ANKRD39: variants seen among roughly 807,000 people sequenced by gnomAD.
ANKRD39 encodes the protein ankyrin repeat domain 39.
In ANKRD39, 18 loss-of-function variants were observed where a neutral mutation model predicts 20.3. The observed-to-expected ratio is 0.89, with a 90% CI of 0.61 to 1.32. ANKRD39 has a LOEUF of 1.32. ANKRD39 is among the 40% of genes most tolerant of loss of function. ANKRD39 has a pLI of 0.00. For missense variants in ANKRD39, 243 were observed against 250.7 expected (o/e 0.97, Z 0.21); for synonymous variants, 106 against 111.9 (o/e 0.95, Z 0.33).
Position 96,848,324 on chromosome 2 carries a change from G to C in ANKRD39, c.529C>G (p.Leu177Val), listed in dbSNP as rs757057385. 6.2e-7 allele frequency: 1 copy of C among 1,614,124 alleles called. No individual in the cohort carries two copies. Among genetic ancestry groups the C allele is most frequent in the South Asian group, 1.1e-5 (1 of 91,078 alleles). Reference protein sequence around the residue: ...ACDLLPCNSDLRDLLSS With the variant: ...ACDLLPCNSDVRDLLSS Reference sequence around the variant, plus strand: ...GCTCAGCTGGATAGCAGGTCCCGCAGGTCACTGTTGCAAGGCAGCAGGTCA... The same window carrying C: ...GCTCAGCTGGATAGCAGGTCCCGCACGTCACTGTTGCAAGGCAGCAGGTCA... The change falls in exon 4 of 4, where the codon CTG (leucine) becomes GTG (valine). Residue 177 changes from leucine to valine, a missense_variant. Transcript: ENST00000393537.
chr2:96,851,846 A>G (rs568887117), intron 3 of ANKRD39, among the ~76,000 whole-genome samples: 17 of 152,256 alleles, frequency 1.1e-4, no homozygotes, highest in Admixed American at 6.5e-4. Flanking sequence ...GCACCCAGAC[A>G]GGGGCTAACT....
intron 1 of ANKRD39, among the ~76,000 whole-genome samples, chr2:96,856,899 A>C (rs931035880): frequency 3.9e-5 from 6 of 152,224 alleles, no homozygotes; most frequent in African/African-American, 1.4e-4. Context: ...TGAGACACCA[A>C]AACAAGACCA....
chr2:96,849,187 C>T (rs1441196398), intron 3 of ANKRD39, among the ~76,000 whole-genome samples: 1 of 152,146 alleles, frequency 6.6e-6, no homozygotes, highest in Non-Finnish European at 1.5e-5. Flanking sequence ...GGGTCTCACT[C>T]TGTTGCCCAG....
intron 3 of ANKRD39, among the ~76,000 whole-genome samples, chr2:96,849,465 C>A (rs1292679489): frequency 6.6e-6 from 1 of 152,106 alleles, no homozygotes; most frequent in East Asian, 1.9e-4. Flanking sequence ...GCCTGGCCAA[C>A]ATGGTGAAAC....
chr2:96,857,926 C>A lies in ANKRD39; in HGVS notation c.62G>T (p.Gly21Val). The A allele has an allele frequency of 6.3e-7, 1 of 1,584,064 alleles. No homozygotes were observed. The change falls in exon 1 of 4, where the codon GGC becomes GTC. Residue 21 changes from glycine (G) to valine (V), a missense_variant. Transcript: ENST00000393537. The part of the protein sequence containing the change: ...PCCSHPSAVL[G>V]VQQTLEEMDF... ...CATCTCCTCCAGCGTCTGCTGTACG[C>A]CGAGCACCGCGCTGGGATGCGAGCA...
chr2:96,854,268 C>T, intron 2 of ANKRD39, 70 bp downstream of exon 2: 1 of 1,463,742 alleles, frequency 6.8e-7, no homozygotes, highest in Non-Finnish European at 9.4e-7. Flanking sequence ...ATCAGTCCCC[C>T]TCCTCAGAGA....
intron 3 of ANKRD39, 108 bp from the exon 4 acceptor site, chr2:96,848,552 C>A: frequency 1.4e-6 from 2 of 1,429,488 alleles, no homozygotes; most frequent in African/African-American, 1.4e-5. Flanking sequence ...CCTCTCTGGG[C>A]GCAGTGGCTC....
intron 3 of ANKRD39, among the ~76,000 whole-genome samples, chr2:96,850,690 AAAC>A (rs2079832622): frequency 1.3e-5 from 2 of 152,018 alleles, no homozygotes; most frequent in African/African-American, 4.8e-5. Flanking sequence ...ACAAAAAAAA[AAAC>A]AAAAACATAC....
intron 3 of ANKRD39, among the ~76,000 whole-genome samples, chr2:96,848,735 C>G: frequency 6.6e-6 from 1 of 152,142 alleles, no homozygotes; most frequent in East Asian, 1.9e-4. Context: ...ACAGGAATAT[C>G]GCTTGAACCC....
At chr2:96,851,656 A>G (rs1270385430) in intron 3 of ANKRD39, among the ~76,000 whole-genome samples, 1 of 152,172 alleles carries the variant, frequency 6.6e-6, no homozygotes, top group East Asian at 1.9e-4. Flanking sequence ...GACCCCAAAC[A>G]GGGAATTTCC....
chr2:96,853,438 C>T lies in ANKRD39; in HGVS notation c.371G>A (p.Arg124Lys). The change falls in exon 3 of 4, where the codon AGG becomes AAG. Residue 124 changes from arginine to lysine, a missense_variant. Physicochemically the swap from Arg to Lys is conservative, Grantham distance 26. Coordinates refer to ENST00000393537, the MANE Select transcript of ANKRD39 (RefSeq NM_016466.6). ...GGTCATGCCGTCGTCATCCACCACC[C>T]TGGGGTTGGACCCATGTGATAGCAG... The part of the protein sequence containing the change: ...RLLLSHGSNP[R>K]VVDDDGMTSL... 1.3e-6 allele frequency: 2 copies of T among 1,591,820 alleles called. No individual in the cohort carries two copies. The highest frequency in any genetic ancestry group is 2.3e-5 in the East Asian group (1 of 43,388).
chr2:96,854,081 C>T (rs527331522), intron 2 of ANKRD39, among the ~76,000 whole-genome samples: 7 of 152,254 alleles, frequency 4.6e-5, no homozygotes, highest in Admixed American at 2.6e-4. Flanking sequence ...GAGCTGAGAT[C>T]GCATCACTGC....
chr2:96,855,351 T>C (rs987230480), intron 1 of ANKRD39, among the ~76,000 whole-genome samples: 3 of 152,120 alleles, frequency 2.0e-5, no homozygotes, highest in African/African-American at 7.2e-5. Flanking sequence ...CAACAATAGA[T>C]GGGTCAAAGA....
chr2:96,854,462 G>A (rs772818488), intron 1 of ANKRD39, 21 bp from the exon 2 acceptor site: 14 of 1,611,452 alleles, frequency 8.7e-6, no homozygotes, highest in Non-Finnish European at 1.2e-5. Flanking sequence ...GCAACCAAAG[G>A]ACTGAATGAT....
At chr2:96,851,982 T>C (rs1574135341) in intron 3 of ANKRD39, among the ~76,000 whole-genome samples, 2 of 152,040 alleles carry the variant, frequency 1.3e-5, no homozygotes, top group East Asian at 3.9e-4. Context: ...GTCGAGACGA[T>C]AGTGAGAGAC....
At chr2:96,853,673 G>A in intron 2 of ANKRD39, 69 bp from the exon 3 acceptor site, 1 of 1,474,026 alleles carries the variant, frequency 6.8e-7, no homozygotes, top group Non-Finnish European at 9.3e-7. Context: ...ATAGAGGTGA[G>A]AGCATGGCCT....
Position 96,854,359 on chromosome 2 carries a change from G to A in ANKRD39, c.183C>T (p.Asp61=). ...TCACCAGCGCAGTGTAGCCGGCCGA[G>A]TCGGGCTGACTTGGGTCCTCGGCCT... ...IQKAEDPSQP[D]SAGYTALHYA... Residue 61 remains aspartate, a synonymous_variant, in exon 2 of 4, where the codon GAC becomes GAT. Coordinates refer to ENST00000393537, the MANE Select transcript of ANKRD39 (RefSeq NM_016466.6). 1.9e-6 allele frequency: 3 copies of A among 1,614,142 alleles called. No individual in the cohort carries two copies. Among genetic ancestry groups the A allele is most frequent in the Non-Finnish European group, 2.5e-6 (3 of 1,180,034 alleles).
chr2:96,853,407 C>T lies in ANKRD39; in HGVS notation c.402G>A (p.Leu134=), dbSNP rs764478770. ...RVVDDDGMTS[L]HKAAERGHGD... The stretch of plus-strand genomic sequence containing the variant: ...GAAGGGGGAACGGGCCCACCTTATG[C>T]AGACTGGTCATGCCGTCGTCATCCA... Residue 134 remains leucine, a synonymous_variant, in exon 3 of 4, where the codon CTG becomes CTA. Coordinates refer to ENST00000393537, the MANE Select transcript of ANKRD39 (RefSeq NM_016466.6). 12 of 1,575,300 alleles carry T rather than the reference C, an allele frequency of 7.6e-6. No homozygotes were observed. The highest frequency in any genetic ancestry group is 1.0e-5 in the Non-Finnish European group (12 of 1,160,530).
Position 96,857,958 on chromosome 2 carries a change from C to G in ANKRD39, c.30G>C (p.Gly10=). The change falls in exon 1 of 4, where the codon GGG becomes GGC. Residue 10 remains glycine (G), a synonymous_variant. Transcript: ENST00000393537. Reference sequence around the variant, plus strand: ...CCGCGCTGGGATGCGAGCAGCAGGGCCCGTCCGCGCAGGGCCGAGGCGTCG... The same window carrying G: ...CCGCGCTGGGATGCGAGCAGCAGGGGCCGTCCGCGCAGGGCCGAGGCGTCG... MATPRPCAD[G]PCCSHPSAVL... is the part of the protein sequence containing the mutation. The G allele has an allele frequency of 2.6e-6, 4 of 1,567,462 alleles. No homozygotes were observed. The highest frequency in any genetic ancestry group is 1.4e-5 in the African/African-American group (1 of 73,976).
Sources: gnomAD v4.1 joint callset for allele counts (sites outside exome capture counted in the v4.1 genomes callset) on GRCh38, gnomAD v4.1.1 for gene constraint, MANE v1.5 for transcripts, NCBI Gene and HGNC (gene_info 2026-07-23, HGNC 2026-07-21) for gene names.